PLCB1: variants seen among roughly 807,000 people sequenced by gnomAD.
PLCB1 encodes phospholipase C beta 1.
PLCB1 carries 46 observed loss-of-function variants against 161.8 expected under a neutral mutation model. The observed-to-expected ratio is 0.28, with a 90% CI of 0.22 to 0.36. The LOEUF (loss-of-function observed/expected upper bound fraction) is 0.36. PLCB1 is among the 10% of genes least tolerant of loss of function. The pLI is 1.00. For missense variants in PLCB1, 1,016 were observed against 1,472.5 expected (o/e 0.69, Z 5.07); for synonymous variants, 517 against 503.7 (o/e 1.03, Z -0.35).
At chr20:8,252,122 G>T (rs561937683) in intron 2 of PLCB1, among the ~76,000 whole-genome samples, 2 of 151,982 alleles carry the variant, frequency 1.3e-5, no homozygotes, top group African/African-American at 4.8e-5. Context: ...TCATAGACTG[G>T]ATAGAAAGGA....
At chr20:8,339,481 C>T (rs1276651230) in intron 2 of PLCB1, among the ~76,000 whole-genome samples, 2 of 152,214 alleles carry the variant, frequency 1.3e-5, no homozygotes, top group Admixed American at 6.5e-5. Flanking sequence ...CAGAACTGCT[C>T]CTCAGCCCAG....
intron 2 of PLCB1, among the ~76,000 whole-genome samples, chr20:8,321,518 G>A (rs567123462): frequency 6.6e-6 from 1 of 152,218 alleles, no homozygotes; most frequent in South Asian, 2.1e-4. Context: ...TGAAGACATT[G>A]GGGGAGTGAT....
chr20:8,136,518 C>T (rs1005542071), intron 1 of PLCB1, among the ~76,000 whole-genome samples: 64 of 151,306 alleles, frequency 4.2e-4, no homozygotes, highest in African/African-American at 1.5e-3. Context: ...CCCAGCTGCT[C>T]GGGAGGCTGA....
chr20:8,784,371 T>C (rs1218644501), intron 27 of PLCB1, among the ~76,000 whole-genome samples: 1 of 152,000 alleles, frequency 6.6e-6, no homozygotes, highest in Non-Finnish European at 1.5e-5. Flanking sequence ...AAGAGCAGCC[T>C]GGGCAACATG....
At chr20:8,309,418 C>A (rs1334591578) in intron 2 of PLCB1, among the ~76,000 whole-genome samples, 1 of 152,156 alleles carries the variant, frequency 6.6e-6, no homozygotes, top group East Asian at 1.9e-4. Flanking sequence ...GAAAAGCATT[C>A]TTCTTGTTGT....
At chr20:8,863,632 C>T (rs1417145955) in intron 31 of PLCB1, among the ~76,000 whole-genome samples, 1 of 152,190 alleles carries the variant, frequency 6.6e-6, no homozygotes, top group Non-Finnish European at 1.5e-5. Context: ...CTCTGTATAA[C>T]CTCACACACC....
chr20:8,826,210 G>T (rs1425545944), intron 31 of PLCB1, among the ~76,000 whole-genome samples: 1 of 152,012 alleles, frequency 6.6e-6, no homozygotes, highest in African/African-American at 2.4e-5. Context: ...AGAAAAGAAG[G>T]CCTCACCAGG....
At chr20:8,661,520 C>T (rs1989621340) in intron 9 of PLCB1, among the ~76,000 whole-genome samples, 1 of 125,126 alleles carries the variant, frequency 8.0e-6, no homozygotes, top group Non-Finnish European at 1.7e-5. Flanking sequence ...GTAGCTCCTT[C>T]TTCTCTAGAA....
Position 8,468,362 on chromosome 20 carries a change from G to A in PLCB1, c.246+96912G>A, listed in dbSNP as rs79414239. Among the ~76,000 whole-genome samples the A allele has an allele frequency of 3.1e-3, 469 of 152,284 alleles. 6 individuals carry two copies. In the East Asian group the frequency reaches 0.032, roughly 10 times the overall value. On this transcript the variant is annotated intron_variant, in intron 3 of 31. Transcript: ENST00000338037. ...TCATTTAGGTTACAAGTGAGAATCA[G>A]TTTTAGTGCAGTACTTATATGAGTA...
intron 3 of PLCB1, among the ~76,000 whole-genome samples, chr20:8,402,484 G>A (rs754775387): frequency 1.3e-5 from 2 of 151,970 alleles, no homozygotes; most frequent in Non-Finnish European, 2.9e-5. Context: ...TTAAATAAAA[G>A]GAAACTAATT....
intron 4 of PLCB1, among the ~76,000 whole-genome samples, chr20:8,628,851 T>C (rs1988437915): frequency 6.6e-6 from 1 of 152,012 alleles, no homozygotes; most frequent in African/African-American, 2.4e-5. Flanking sequence ...GGAGAATCGC[T>C]TGAACCCAGG....
chr20:8,807,813 ATTTTT>A (rs991023077), intron 31 of PLCB1, among the ~76,000 whole-genome samples: 1 of 152,126 alleles, frequency 6.6e-6, no homozygotes, highest in African/African-American at 2.4e-5. Flanking sequence ...AAGGAGTTGA[ATTTTT>A]TATTTTATTT....
chr20:8,143,808 C>T (rs1359881379), intron 1 of PLCB1, among the ~76,000 whole-genome samples: 1 of 152,178 alleles, frequency 6.6e-6, no homozygotes, highest in Admixed American at 6.5e-5. Context: ...CTGCGTAGGT[C>T]CTTGCAGGAT....
chr20:8,800,379 C>A (rs140440600), intron 31 of PLCB1, among the ~76,000 whole-genome samples: 41 of 152,230 alleles, frequency 2.7e-4, no homozygotes, highest in African/African-American at 9.1e-4. Context: ...TGAGGTTAAT[C>A]TTTGATTTGT....
chr20:8,285,474 T>C (rs1983072749), intron 2 of PLCB1, among the ~76,000 whole-genome samples: 1 of 152,060 alleles, frequency 6.6e-6, no homozygotes, highest in African/African-American at 2.4e-5. Context: ...TAATTTTTAT[T>C]TTTTAAGAAC....
At chr20:8,629,136 C>A (rs1424680109) in intron 4 of PLCB1, among the ~76,000 whole-genome samples, 1 of 152,100 alleles carries the variant, frequency 6.6e-6, no homozygotes, top group African/African-American at 2.4e-5. Context: ...CCTCTTTAAA[C>A]TTCTTAATCC....
chr20:8,459,392 CTT>C (rs1015641851), intron 3 of PLCB1, among the ~76,000 whole-genome samples: 1 of 152,076 alleles, frequency 6.6e-6, no homozygotes, highest in African/African-American at 2.4e-5. Flanking sequence ...ACATTTAGAT[CTT>C]TTATAACCAG....
intron 3 of PLCB1, among the ~76,000 whole-genome samples, chr20:8,471,670 C>T (rs1454487412): frequency 6.6e-6 from 1 of 152,110 alleles, no homozygotes; most frequent in Non-Finnish European, 1.5e-5. Flanking sequence ...GCATAATTGA[C>T]CCCCTGCTAG....
intron 3 of PLCB1, among the ~76,000 whole-genome samples, chr20:8,400,819 C>T (rs1340363095): frequency 6.6e-6 from 1 of 152,010 alleles, no homozygotes; most frequent in Non-Finnish European, 1.5e-5. Context: ...TTTGCTGCCT[C>T]AAACAATGCT....
Sources: gnomAD v4.1 joint callset for allele counts (sites outside exome capture counted in the v4.1 genomes callset) on GRCh38, gnomAD v4.1.1 for gene constraint, MANE v1.5 for transcripts, NCBI Gene and HGNC (gene_info 2026-07-23, HGNC 2026-07-21) for gene names.